Variants in USP38 observed in about 807,000 individuals in gnomAD.
USP38 encodes ubiquitin carboxyl-terminal hydrolase 38.
Under a neutral mutation model 94.3 loss-of-function variants are expected in USP38, and 49 were observed. The ratio of observed to expected loss-of-function variants is 0.52; its 90% CI spans 0.41 to 0.66. USP38 has a LOEUF of 0.66. USP38 is among the 30% of genes least tolerant of loss of function. USP38 has a pLI of 0.00. For synonymous variants in USP38, 468 were observed against 463.6 expected (o/e 1.01, Z -0.12); for missense variants, 1,128 against 1,229.4 (o/e 0.92, Z 1.23).
At chr4:143,199,722 T>C (rs957747133) in intron 4 of USP38, among the ~76,000 whole-genome samples, 2 of 152,232 alleles carry the variant, frequency 1.3e-5, no homozygotes, top group Non-Finnish European at 2.9e-5. Flanking sequence ...TTTGCATTTC[T>C]CTGCTGATCA....
chr4:143,218,669 A>G (rs1012745601), intron 9 of USP38, among the ~76,000 whole-genome samples: 2 of 152,156 alleles, frequency 1.3e-5, no homozygotes, highest in Admixed American at 1.3e-4. Context: ...CATAGTTTCT[A>G]TAAGGGAATC....
In USP38 at chr4:143,214,497, C is replaced by A. The variant is rs372611247; in HGVS notation, c.2521C>A (p.Leu841Ile). ...TTCCTGCACAAAATTGGTGCCCTAT[C>A]TATTAAGTTCCGTTGTGGTTCACTC... Reference protein sequence around the residue: ...EASCTKLVPYLLSSVVVHSGI... With the variant: ...EASCTKLVPYILSSVVVHSGI... The change falls in exon 9 of 10, where the codon CTA becomes ATA. Residue 841 changes from leucine to isoleucine, a missense_variant. By Grantham distance (5) the Leu-to-Ile change is conservative. Coordinates refer to ENST00000307017, the MANE Select transcript of USP38 (RefSeq NM_032557.6). 8.1e-6 allele frequency: 13 copies of A among 1,613,376 alleles called. No individual in the cohort carries two copies. Among genetic ancestry groups the A allele is most frequent in the African/African-American group, 1.3e-5 (1 of 75,014 alleles).
chr4:143,220,613 A>G lies in USP38; in HGVS notation c.*157A>G. ...TTGTTTTTATTTTCTTGACACATTT[A>G]TTAACAAAATGCATCATGGAAAAAA... On this transcript the variant is annotated 3_prime_UTR_variant, in exon 10 of 10. Transcript: ENST00000307017. The G allele has an allele frequency of 1.3e-6, 1 of 755,068 alleles. No homozygotes were observed. The highest frequency in any genetic ancestry group is 1.8e-6 in the Non-Finnish European group (1 of 555,452). The allele number at this position is 755,068 out of a possible 1,614,324, so 46.8% of individuals were successfully genotyped here. A position where few individuals can be genotyped will look rare whatever the true frequency, so the allele number is the denominator to read the frequency against.
At position 143,185,279 on chromosome 4, in the gene USP38, A is replaced by T; in HGVS notation, c.-172A>T. On this transcript the variant is annotated 5_prime_UTR_variant, in exon 1 of 10. It removes an upstream start codon present in the reference 5' UTR. Coordinates refer to ENST00000307017, the MANE Select transcript of USP38 (RefSeq NM_032557.6). ...CTCGCTAGCTCCCGCCCCGGCTTGG[A>T]TGGGTCTCCCTGCGCCATAAATGTG... is the stretch of plus-strand genomic sequence containing the variant. 1.4e-6 allele frequency: 1 copy of T among 711,506 alleles called. No individual in the cohort carries two copies. Among genetic ancestry groups the T allele is most frequent in the Non-Finnish European group, 2.2e-6 (1 of 444,962 alleles). 44.1% of individuals were successfully genotyped at this position (711,506 alleles called of 1,614,324 possible).
intron 2 of USP38, among the ~76,000 whole-genome samples, chr4:143,194,485 T>C (rs914137764): frequency 6.6e-6 from 1 of 152,142 alleles, no homozygotes; most frequent in Non-Finnish European, 1.5e-5. Context: ...CTAGGTCAAA[T>C]TATATGAACA....
intron 3 of USP38, among the ~76,000 whole-genome samples, chr4:143,196,394 A>G (rs113101927): frequency 6.6e-6 from 1 of 152,246 alleles, no homozygotes; most frequent in Non-Finnish European, 1.5e-5. Context: ...GAGTCCAGCT[A>G]ATCAAGCTTT....
In USP38 at chr4:143,221,739, G is replaced by T. The variant is rs992444579; in HGVS notation, c.*1283G>T. On this transcript the variant is annotated 3_prime_UTR_variant, in exon 10 of 10. Transcript: ENST00000307017. ...ATCCACAGTTGTGCATTGTTCTGAA[G>T]ATTGGTCTCATATTTATTTTGAAAA... 6 of 152,060 alleles carry T rather than the reference G, an allele frequency of 3.9e-5. No homozygotes were observed. The highest frequency in any genetic ancestry group is 1.5e-5 in the Non-Finnish European group (1 of 67,964). The allele number at this position is 152,060 out of a possible 1,614,324, so 9.4% of individuals were successfully genotyped here. A position where few individuals can be genotyped will look rare whatever the true frequency, so the allele number is the denominator to read the frequency against.
intron 9 of USP38, among the ~76,000 whole-genome samples, chr4:143,216,103 T>C (rs1732175759): frequency 6.6e-6 from 1 of 152,150 alleles, no homozygotes; most frequent in Non-Finnish European, 1.5e-5. Flanking sequence ...TCCCAAATGC[T>C]TGTATAGCCA....
chr4:143,185,736 C>G lies in USP38; in HGVS notation c.286C>G (p.Leu96Val), dbSNP rs1403235506. Reference protein sequence around the residue: ...LGLLHQGYHSLDRKDVAILDY... With the variant: ...LGLLHQGYHSVDRKDVAILDY... Reference sequence around the variant, plus strand: ...CCTCCTTCATCAGGGCTACCACTCTCTGGACAGGAAGGATGTAGCCATCCT... The same window carrying G: ...CCTCCTTCATCAGGGCTACCACTCTGTGGACAGGAAGGATGTAGCCATCCT... The change falls in exon 1 of 10, where the codon CTG becomes GTG. Residue 96 changes from leucine (L) to valine (V), a missense_variant. Leu to Val is a conservative substitution (Grantham distance 32). Transcript: ENST00000307017. 1 of 1,614,188 alleles carries G rather than the reference C, an allele frequency of 6.2e-7. No homozygotes were observed.
chr4:143,206,712 A>C (rs1731878906), intron 6 of USP38, among the ~76,000 whole-genome samples: 1 of 152,112 alleles, frequency 6.6e-6, no homozygotes, highest in African/African-American at 2.4e-5. Context: ...GTTAACATTA[A>C]TTCTGCTTAT....
rs752556148 is a variant in USP38 at position 143,209,672 on chromosome 4, G to A, written c.1497+15G>A. 1.3e-6 allele frequency: 2 copies of A among 1,522,400 alleles called. No homozygotes were observed. Among genetic ancestry groups the A allele is most frequent in the Admixed American group, 3.5e-5 (2 of 56,400 alleles). 94.3% of individuals were successfully genotyped at this position (1,522,400 alleles called of 1,614,324 possible). A position where few individuals can be genotyped will look rare whatever the true frequency, so the allele number is the denominator to read the frequency against. ...CCCATACACAGGTGAGTGTGTATGT[G>A]TATATAGTACGTTTATGTTAACTGC... On this transcript the variant is annotated intron_variant, in intron 7 of 9. Transcript: ENST00000307017.
In USP38 at chr4:143,185,196, A is replaced by ATCCG; in HGVS notation, c.-255_-254insTCCG. On this transcript the variant is annotated 5_prime_UTR_variant, in exon 1 of 10. It introduces an in-frame stop codon into an upstream open reading frame of the 5' UTR. Transcript: ENST00000307017. ...GATCGAGGGCCCGGGGCGGCGGCGG[A>ATCCG]GTACGGGCCTCTGGCGCCTTAGGCC... The ATCCG allele has an allele frequency of 2.5e-6, 1 of 398,608 alleles. No individual in the cohort carries two copies. The allele number at this position is 398,608 out of a possible 1,614,324, so 24.7% of individuals were successfully genotyped here.
In USP38 at chr4:143,195,965, A is replaced by G. The variant is rs1055544189; in HGVS notation, c.948+120A>G. ...ATATGTTATTGTTGTTTTGTTTTGA[A>G]TAACAGTTTGAATAGGCTTTAGAAA... On this transcript the variant is annotated intron_variant, in intron 3 of 9. Transcript: ENST00000307017. The G allele has an allele frequency of 3.9e-6, 4 of 1,016,778 alleles. No individual in the cohort carries two copies. In the African/African-American group the frequency reaches 5.0e-5, roughly 13 times the overall value. 63.0% of individuals were successfully genotyped at this position (1,016,778 alleles called of 1,614,324 possible).
intron 4 of USP38, among the ~76,000 whole-genome samples, chr4:143,199,351 T>C (rs970513473): frequency 6.6e-6 from 1 of 152,226 alleles, no homozygotes; most frequent in Non-Finnish European, 1.5e-5. Context: ...TTCCATGGTG[T>C]ATATGTACCA....
intron 9 of USP38, 97 bp downstream of exon 9, chr4:143,215,040 T>G (rs10000911): frequency 0.69 from 839,422 of 1,216,138 alleles, 291,846 homozygotes; most frequent in African/African-American, 0.83. Context: ...GAGTTTTTAT[T>G]AAATTCTGAA....
chr4:143,207,128 T>A (rs1408149451), intron 6 of USP38, among the ~76,000 whole-genome samples: 1 of 152,238 alleles, frequency 6.6e-6, no homozygotes, highest in Non-Finnish European at 1.5e-5. Context: ...AAAACATGAT[T>A]GAATTTTTCT....
chr4:143,194,449 A>G (rs925474482), intron 2 of USP38, among the ~76,000 whole-genome samples: 12 of 152,148 alleles, frequency 7.9e-5, no homozygotes, highest in Non-Finnish European at 1.5e-4. Context: ...CTATTTTCTT[A>G]GTATATAATC....
In USP38 at chr4:143,191,844, G is replaced by A. The variant is rs77855439; in HGVS notation, c.819-3872G>A. On this transcript the variant is annotated intron_variant, in intron 2 of 9. Transcript: ENST00000307017. ...ATCAGTATACCAGAGTTAAAAGAAA[G>A]TGTCCTTGGAATTCAAATTGATAAT... Among the ~76,000 whole-genome samples, 13 of 152,330 alleles carry A rather than the reference G, an allele frequency of 8.5e-5. No homozygotes were observed. In the East Asian group the frequency reaches 2.1e-3, roughly 25 times the overall value.
chr4:143,220,356 G>A lies in USP38; in HGVS notation c.3029G>A (p.Arg1010Gln), dbSNP rs374019822. ...GCTGCATCTGCTTCATGTTCATTTC[G>A]GCCCAATGGATTTGATGACAACGAC... ...LQAASASCSF[R>Q]PNGFDDNDPP... The change falls in exon 10 of 10, where the codon CGG becomes CAG. Residue 1010 changes from arginine (R) to glutamine (Q), a missense_variant. Coordinates refer to ENST00000307017, the MANE Select transcript of USP38 (RefSeq NM_032557.6). 3.9e-5 allele frequency: 63 copies of A among 1,613,122 alleles called. No individual in the cohort carries two copies. Among genetic ancestry groups the A allele is most frequent in the Admixed American group, 5.0e-5 (3 of 59,890 alleles).
Sources: gnomAD v4.1 joint callset for allele counts (sites outside exome capture counted in the v4.1 genomes callset) on GRCh38, gnomAD v4.1.1 for gene constraint, MANE v1.5 for transcripts, NCBI Gene and HGNC (gene_info 2026-07-23, HGNC 2026-07-21) for gene names.